The following ANKRD12 variants were observed in gnomAD, a reference collection of about 807,000 sequenced individuals.
ANKRD12 encodes ankyrin repeat domain-containing protein 12.
In ANKRD12, 85 loss-of-function variants were observed where a neutral mutation model predicts 183.4. The observed-to-expected ratio is 0.46, with a 90% CI of 0.39 to 0.56. The LOEUF (loss-of-function observed/expected upper bound fraction) is 0.56, where lower values mean the gene tolerates loss of function less well. ANKRD12 is among the 20% of genes least tolerant of loss of function. ANKRD12 has a pLI of 0.00. For synonymous variants in ANKRD12, 914 were observed against 800.2 expected, an observed-to-expected ratio of 1.14 and a Z score of -2.40; for missense variants, 2,405 against 2,357.1, an observed-to-expected ratio of 1.02 and a Z score of -0.42.
chr18:9,239,057 C>T (rs1387386312), intron 8 of ANKRD12, among the ~76,000 whole-genome samples: 1 of 152,044 alleles, frequency 6.6e-6, no homozygotes, highest in Non-Finnish European at 1.5e-5. Context: ...CCTGGGAGGT[C>T]GAGGCTGCCA....
chr18:9,168,435 G>A (rs1007652969), intron 1 of ANKRD12, among the ~76,000 whole-genome samples: 2 of 152,038 alleles, frequency 1.3e-5, no homozygotes, highest in African/African-American at 4.8e-5. Flanking sequence ...ACTTCTTCCT[G>A]ATTTAGTCTT....
Position 9,281,011 on chromosome 18 carries a change from T to C in ANKRD12, c.6074T>C (p.Leu2025Pro), listed in dbSNP as rs777129364. 1 of 1,614,192 alleles carries C rather than the reference T, an allele frequency of 6.2e-7. No homozygotes were observed. The highest frequency in any genetic ancestry group is 1.7e-5 in the Admixed American group (1 of 60,018). Reference sequence around the variant, plus strand: ...GCTGTCCAGAGGTTAGAATGGCAGCTCAAACTCCAGGAACTTGATCCTGCC... The same window carrying C: ...GCTGTCCAGAGGTTAGAATGGCAGCCCAAACTCCAGGAACTTGATCCTGCC... ...LNAVQRLEWQ[L>P]KLQELDPATY... Residue 2025 changes from leucine (L) to proline (P), a missense_variant, in exon 13 of 13, where the codon CTC (leucine) becomes CCC (proline). Physicochemically the swap from Leu to Pro is moderately conservative, Grantham distance 98 (BLOSUM62 -3). Around this residue, in one of 7 missense-constraint regions of ANKRD12, gnomAD observed 162 missense variants for 272.2 expected, o/e 0.60. Coordinates refer to ENST00000262126, the MANE Select transcript of ANKRD12 (RefSeq NM_015208.5).
chr18:9,285,488 A>AG lies in ANKRD12; in HGVS notation c.*4364dup, dbSNP rs1293707679. 1 of 151,924 alleles carries AG rather than the reference A, an allele frequency of 6.6e-6. No homozygotes were observed. Among genetic ancestry groups the AG allele is most frequent in the Non-Finnish European group, 1.5e-5 (1 of 67,950 alleles). 9.4% of individuals were successfully genotyped at this position (151,924 alleles called of 1,614,324 possible). On this transcript the variant is annotated 3_prime_UTR_variant, in exon 13 of 13. Coordinates refer to ENST00000262126, the MANE Select transcript of ANKRD12 (RefSeq NM_015208.5). ...TGTAGCATGTGTTTACAAGTTTAAA[A>AG]GGCACCACCTATGCACTCATCACTC...
intron 9 of ANKRD12, chr18:9,260,289 A>C (rs1286586322): frequency 6.6e-6 from 1 of 152,212 alleles, no homozygotes; most frequent in Admixed American, 6.5e-5. Flanking sequence ...CAATAACTGT[A>C]ATCCCAATAC....
At chr18:9,217,267 A>T (rs182875488) in intron 7 of ANKRD12, among the ~76,000 whole-genome samples, 31 of 152,302 alleles carry the variant, frequency 2.0e-4, no homozygotes, top group Non-Finnish European at 4.3e-4. Flanking sequence ...ACAAAAATAG[A>T]ATTTGGAGTA....
intron 8 of ANKRD12, among the ~76,000 whole-genome samples, chr18:9,245,092 G>A (rs866349276): frequency 6.6e-6 from 1 of 151,944 alleles, no homozygotes; most frequent in Non-Finnish European, 1.5e-5. Context: ...AATAAAAAAA[G>A]CCATATAAAC....
intron 10 of ANKRD12, among the ~76,000 whole-genome samples, chr18:9,273,655 C>T (rs746513251): frequency 1.3e-5 from 2 of 152,182 alleles, no homozygotes; most frequent in Non-Finnish European, 2.9e-5. Context: ...TGAAAACATG[C>T]ATCCAAACAA....
At chr18:9,263,321 A>T (rs1312335979) in intron 9 of ANKRD12, among the ~76,000 whole-genome samples, 1 of 152,194 alleles carries the variant, frequency 6.6e-6, no homozygotes, top group East Asian at 1.9e-4. Context: ...AGACCATTTC[A>T]TCTGCTTTTA....
At chr18:9,210,760 C>CTTTTTTTTTTTTTTTTTTT in intron 5 of ANKRD12, among the ~76,000 whole-genome samples, 1 of 102,504 alleles carries the variant, frequency 9.8e-6, no homozygotes, top group Non-Finnish European at 2.1e-5. Context: ...GAACCTTACA[C>CTTTTTTTTTTTTTTTTTTT]TTTTTTTTTT....
intron 1 of ANKRD12, among the ~76,000 whole-genome samples, chr18:9,162,380 T>G (rs1371457196): frequency 2.0e-5 from 3 of 152,218 alleles, no homozygotes; most frequent in Non-Finnish European, 4.4e-5. Flanking sequence ...GGACATGATC[T>G]CTTTCCTTTT....
At chr18:9,210,594 C>T (rs12962559) in intron 5 of ANKRD12, among the ~76,000 whole-genome samples, 2,731 of 151,840 alleles carry the variant, frequency 0.018, 33 homozygotes, top group Non-Finnish European at 0.03. Context: ...TGGTGGCACA[C>T]GCCCGTAATC....
intron 4 of ANKRD12, 24 bp from the exon 5 acceptor site, chr18:9,208,633 T>A: frequency 6.3e-7 from 1 of 1,587,004 alleles, no homozygotes; most frequent in South Asian, 1.2e-5. Flanking sequence ...TTTCAAATTC[T>A]TACATATTTG....
At chr18:9,228,065 C>A (rs145240685) in intron 8 of ANKRD12, among the ~76,000 whole-genome samples, 1 of 152,144 alleles carries the variant, frequency 6.6e-6, no homozygotes, top group Non-Finnish European at 1.5e-5. Context: ...CTTTGTCTTT[C>A]TGTGCCTGAC....
chr18:9,148,340 A>G (rs914379938), intron 1 of ANKRD12, among the ~76,000 whole-genome samples: 37 of 152,290 alleles, frequency 2.4e-4, no homozygotes, highest in African/African-American at 7.9e-4. Flanking sequence ...ACACGTATGT[A>G]TGTATGTATA....
chr18:9,266,002 G>C (rs928126985), intron 10 of ANKRD12, among the ~76,000 whole-genome samples: 3 of 152,212 alleles, frequency 2.0e-5, no homozygotes, highest in African/African-American at 4.8e-5. Context: ...GATTTGATCA[G>C]CTGGAAGAAA....
At chr18:9,260,042 T>C (rs1176450744) in intron 9 of ANKRD12, 1 of 152,218 alleles carries the variant, frequency 6.6e-6, no homozygotes, top group Non-Finnish European at 1.5e-5. Flanking sequence ...GCTGTGTGTT[T>C]GAGTTTACTG....
chr18:9,260,348 C>T (rs2038892084), intron 9 of ANKRD12: 1 of 152,126 alleles, frequency 6.6e-6, no homozygotes, highest in African/African-American at 2.4e-5. Flanking sequence ...AGTTCAAGAC[C>T]AACAGGATGT....
chr18:9,146,594 C>T (rs2078501328), intron 1 of ANKRD12, among the ~76,000 whole-genome samples: 1 of 152,190 alleles, frequency 6.6e-6, no homozygotes, highest in African/African-American at 2.4e-5. Flanking sequence ...TTTCAGAGTA[C>T]CAGCCTTTTC....
chr18:9,165,716 TTTTTA>T, intron 1 of ANKRD12, among the ~76,000 whole-genome samples: 1 of 152,198 alleles, frequency 6.6e-6, no homozygotes, highest in African/African-American at 2.4e-5. Flanking sequence ...TATTTTTATT[TTTTTA>T]TTTTATTATT....
Sources: gnomAD v4.1 joint callset for allele counts (sites outside exome capture counted in the v4.1 genomes callset) on GRCh38, gnomAD v4.1.1 for gene constraint, gnomAD v4.1.1 regional missense constraint, MANE v1.5 for transcripts, NCBI Gene and HGNC (gene_info 2026-07-23, HGNC 2026-07-21) for gene names.